The following HDAC11 variants were observed in gnomAD, a reference collection of about 807,000 sequenced individuals.
HDAC11 encodes histone deacetylase 11.
Under a neutral mutation model 41.1 loss-of-function variants are expected in HDAC11, and 23 were observed. That is an observed-to-expected ratio of 0.56 (90% CI 0.40 to 0.79). The LOEUF (loss-of-function observed/expected upper bound fraction) is 0.79, where lower values mean the gene tolerates loss of function less well. HDAC11 is among the 30% of genes least tolerant of loss of function. The pLI is 0.00. For missense variants in HDAC11, 402 were observed against 477.3 expected (o/e 0.84, Z 1.47); for synonymous variants, 187 against 186.6 (o/e 1.00, Z -0.02).
In HDAC11 at chr3:13,485,823, G is replaced by A. The variant is rs1701534910; in HGVS notation, c.252+2259G>A. Among the ~76,000 whole-genome samples the A allele has an allele frequency of 5.9e-5, 9 of 152,042 alleles. No homozygotes were observed. In the South Asian group the frequency reaches 1.9e-3, roughly 32 times the overall value. On this transcript the variant is annotated intron_variant, in intron 3 of 9. Coordinates refer to ENST00000295757, the MANE Select transcript of HDAC11 (RefSeq NM_024827.4). The stretch of plus-strand genomic sequence containing the variant: ...AAAGTATTAACAGGTAGAGTCCCAA[G>A]TAGAAAACTGAGGTTGAGGGTAGGA...
At position 13,500,781 on chromosome 3, in the gene HDAC11, G is replaced by A. The variant is rs1293378438; in HGVS notation, c.481G>A (p.Ala161Thr). The A allele has an allele frequency of 8.9e-6, 14 of 1,568,504 alleles. No individual in the cohort carries two copies. The highest frequency in any genetic ancestry group is 8.1e-5 in the African/African-American group (6 of 73,902). ...GFCAYADITL[A>T]IKFLFERVEG... ...CTGTGCCTATGCGGACATCACGCTC[G>A]CCATCAAGGTGTGTCTATGAGCAAG... The change falls in exon 6 of 10, where the codon GCC becomes ACC. Residue 161 changes from alanine (A) to threonine (T), a missense_variant. Transcript: ENST00000295757.
At chr3:13,488,082 A>T (rs1334768834) in intron 3 of HDAC11, among the ~76,000 whole-genome samples, 1 of 151,556 alleles carries the variant, frequency 6.6e-6, no homozygotes, top group Non-Finnish European at 1.5e-5. Context: ...ATCCCAGGGC[A>T]GAACTATCTG....
chr3:13,480,410 T>C lies in HDAC11; in HGVS notation c.2+61T>C. ...CAGGGGTCCCGGTGGGCGGGCGCGC[T>C]AGGGCGAGGGCGGGGACGGCCGGGC... On this transcript the variant is annotated intron_variant, in intron 1 of 9. Transcript: ENST00000295757. The surrounding 1 kb of genome is among the most constrained non-coding windows in gnomAD (Gnocchi z 4.6). 9.7e-7 allele frequency: 1 copy of C among 1,026,984 alleles called. No homozygotes were observed. The highest frequency in any genetic ancestry group is 1.2e-6 in the Non-Finnish European group (1 of 811,350). The allele number at this position is 1,026,984 out of a possible 1,614,324, so 63.6% of individuals were successfully genotyped here.
chr3:13,484,164 G>A (rs773689700), intron 3 of HDAC11, among the ~76,000 whole-genome samples: 3 of 152,048 alleles, frequency 2.0e-5, no homozygotes, highest in Non-Finnish European at 2.9e-5. Context: ...TGGTTTCGCC[G>A]TGTTGGCCAA....
chr3:13,485,748 G>A (rs1175778979), intron 3 of HDAC11, among the ~76,000 whole-genome samples: 5 of 152,086 alleles, frequency 3.3e-5, no homozygotes, highest in Non-Finnish European at 5.9e-5. Context: ...TTGCACCACT[G>A]CACTCCAGCT....
rs1166952630 is a variant in HDAC11, at chr3:13,503,596, TA to T, written c.650-494del. Among the ~76,000 whole-genome samples, 192 of 152,340 alleles carry T rather than the reference TA, an allele frequency of 1.3e-3. 1 individual carries two copies. Among genetic ancestry groups the T allele is most frequent in the Non-Finnish European group, 8.1e-4 (55 of 68,040 alleles). ...AAGAAAGAAATTCATGTATAATCGT[TA>T]AAATGAAAATGCATTAAACTCATCA... On this transcript the variant is annotated intron_variant, in intron 8 of 9. Transcript: ENST00000295757.
rs563174278 is a variant in HDAC11 at position 13,503,456 on chromosome 3, C to T, written c.649+476C>T. Among the ~76,000 whole-genome samples, 49 of 152,248 alleles carry T rather than the reference C, an allele frequency of 3.2e-4. No individual in the cohort carries two copies. In the South Asian group the frequency reaches 9.6e-3, roughly 30 times the overall value. ...GCGCATGCCTGTAATCCCAGCTACT[C>T]GGGAGGCTGAGACAGGAGAATTGCT... On this transcript the variant is annotated intron_variant, in intron 8 of 9. Coordinates refer to ENST00000295757, the MANE Select transcript of HDAC11 (RefSeq NM_024827.4).
intron 3 of HDAC11, among the ~76,000 whole-genome samples, chr3:13,486,529 G>A (rs997926649): frequency 6.8e-6 from 1 of 146,756 alleles, no homozygotes; most frequent in Non-Finnish European, 1.5e-5. Context: ...TGATGTTTGA[G>A]TTGAGACTAA....
At chr3:13,485,592 C>T (rs1229214000) in intron 3 of HDAC11, among the ~76,000 whole-genome samples, 1 of 152,156 alleles carries the variant, frequency 6.6e-6, no homozygotes, top group East Asian at 1.9e-4. Flanking sequence ...GCCTTGGTCC[C>T]CCAAAAGCCT....
chr3:13,495,222 C>A (rs570851301), intron 3 of HDAC11, among the ~76,000 whole-genome samples: 1 of 152,210 alleles, frequency 6.6e-6, no homozygotes, highest in Non-Finnish European at 1.5e-5. Context: ...CTTGATCGTC[C>A]CCAGGGGTTC....
intron 3 of HDAC11, among the ~76,000 whole-genome samples, chr3:13,486,195 A>G (rs1444648008): frequency 7.3e-6 from 1 of 136,076 alleles, no homozygotes; most frequent in East Asian, 2.4e-4. Flanking sequence ...TGAACCTGGG[A>G]GGTAGAGGTT....
Position 13,506,088 on chromosome 3 carries a change from G to T in HDAC11, c.*1405G>T, listed in dbSNP as rs990785346. ...AAGATCACAAAATGTCAACAATGCT[G>T]GCCTCCTGGACCAGACCCCGAGGCT... On this transcript the variant is annotated 3_prime_UTR_variant, in exon 10 of 10. Coordinates refer to ENST00000295757, the MANE Select transcript of HDAC11 (RefSeq NM_024827.4). 1 of 152,242 alleles carries T rather than the reference G, an allele frequency of 6.6e-6. No homozygotes were observed. Among genetic ancestry groups the T allele is most frequent in the African/African-American group, 2.4e-5 (1 of 41,444 alleles). The allele number at this position is 152,242 out of a possible 1,614,324, so 9.4% of individuals were successfully genotyped here.
chr3:13,480,945 C>A lies in HDAC11; in HGVS notation c.3-301C>A. The A allele has an allele frequency of 2.1e-6, 1 of 476,850 alleles. No homozygotes were observed. The highest frequency in any genetic ancestry group is 3.9e-6 in the Non-Finnish European group (1 of 256,616). 29.5% of individuals were successfully genotyped at this position (476,850 alleles called of 1,614,324 possible). A position where few individuals can be genotyped will look rare whatever the true frequency, so the allele number is the denominator to read the frequency against. ...CGCGGAGGCCTTGCAGCCAGACACA[C>A]CTGAGTGCACGCCTGCTTCTCCACA... On this transcript the variant is annotated intron_variant, in intron 1 of 9. Transcript: ENST00000295757. This position sits in a 1 kb window ranked among gnomAD's most constrained non-coding sequence, Gnocchi z 4.6.
chr3:13,486,932 G>C (rs1262652377), intron 3 of HDAC11, among the ~76,000 whole-genome samples: 1 of 152,144 alleles, frequency 6.6e-6, no homozygotes, highest in Non-Finnish European at 1.5e-5. Context: ...CTGGAGGGTG[G>C]AGGGGACTTG....
intron 3 of HDAC11, among the ~76,000 whole-genome samples, chr3:13,486,267 C>CAAA (rs76727800): frequency 4.0e-4 from 26 of 65,148 alleles, no homozygotes; most frequent in African/African-American, 5.8e-4. Context: ...AACTCCATCT[C>CAAA]AAAAAAAAAA....
At chr3:13,499,674 C>G (rs1381771835) in intron 5 of HDAC11, among the ~76,000 whole-genome samples, 2 of 152,174 alleles carry the variant, frequency 1.3e-5, no homozygotes, top group African/African-American at 4.8e-5. Flanking sequence ...GGGGCTGGGT[C>G]TCTTCCATCT....
intron 3 of HDAC11, among the ~76,000 whole-genome samples, chr3:13,495,773 C>G (rs974398259): frequency 6.6e-6 from 1 of 152,204 alleles, no homozygotes; most frequent in African/African-American, 2.4e-5. Context: ...CCACAGATAC[C>G]TTTTTCCCTT....
Position 13,481,273 on chromosome 3 carries a change from T to C in HDAC11, c.30T>C (p.His10=), listed in dbSNP as rs200129920. 6.2e-7 allele frequency: 1 copy of C among 1,612,532 alleles called. No individual in the cohort carries two copies. The highest frequency in any genetic ancestry group is 1.7e-5 in the Admixed American group (1 of 60,020). ...TACACACAACCCAGCTGTACCAGCA[T>C]GTGCCAGAGACACGCTGGCCAATCG... The part of the protein sequence containing the change: MLHTTQLYQ[H]VPETRWPIVY... Residue 10 remains histidine (H), a synonymous_variant, in exon 2 of 10, where the codon CAT becomes CAC. Transcript: ENST00000295757.
At chr3:13,489,561 T>G (rs370332275) in intron 3 of HDAC11, among the ~76,000 whole-genome samples, 1 of 152,198 alleles carries the variant, frequency 6.6e-6, no homozygotes, top group African/African-American at 2.4e-5. Flanking sequence ...ATTCTATTCA[T>G]TTTTTTGGTT....
Sources: gnomAD v4.1 joint callset for allele counts (sites outside exome capture counted in the v4.1 genomes callset) on GRCh38, gnomAD v4.1.1 for gene constraint, Gnocchi (gnomAD v3.1) non-coding constraint, MANE v1.5 for transcripts, NCBI Gene and HGNC (gene_info 2026-07-23, HGNC 2026-07-21) for gene names.